Variants in MYT1L observed in about 807,000 individuals in gnomAD.
The protein encoded by MYT1L is myelin transcription factor 1-like protein.
Under a neutral mutation model 126.7 loss-of-function variants are expected in MYT1L, and 12 were observed. The observed-to-expected ratio is 0.09, with a 90% CI of 0.06 to 0.15. The LOEUF (loss-of-function observed/expected upper bound fraction) is 0.15, where lower values mean the gene tolerates loss of function less well. Among genes scored for constraint, MYT1L ranks in the 10% least tolerant of loss-of-function variants. The pLI, the probability that MYT1L is intolerant of heterozygous loss-of-function variation, is 1.00. For missense variants in MYT1L, 979 were observed against 1,585.2 expected (o/e 0.62, Z 6.49); for synonymous variants, 541 against 604.2 (o/e 0.90, Z 1.53).
intron 2 of MYT1L, among the ~76,000 whole-genome samples, chr2:2,209,924 C>A (rs1189548529): frequency 2.0e-5 from 3 of 152,182 alleles, no homozygotes; most frequent in African/African-American, 7.2e-5. Flanking sequence ...CAATAGTCTT[C>A]TGTTTCTCCA....
chr2:2,310,209 G>C (rs1465461198), intron 1 of MYT1L, among the ~76,000 whole-genome samples: 5 of 145,742 alleles, frequency 3.4e-5, no homozygotes, highest in African/African-American at 1.3e-4. Flanking sequence ...TTGGTATACT[G>C]TACCCATACT....
chr2:1,975,267 T>A (rs980711117), intron 8 of MYT1L, among the ~76,000 whole-genome samples: 6 of 152,140 alleles, frequency 3.9e-5, no homozygotes, highest in Non-Finnish European at 8.8e-5. Flanking sequence ...CACTGCCAGA[T>A]CCCACAGCTT....
chr2:2,039,640 A>G (rs78527687), intron 4 of MYT1L, among the ~76,000 whole-genome samples: 232 of 152,362 alleles, frequency 1.5e-3, no homozygotes, highest in African/African-American at 5.1e-3. Flanking sequence ...TCCACCCATC[A>G]ACAAAATCAA....
At chr2:2,034,364 C>A (rs1393897613) in intron 4 of MYT1L, among the ~76,000 whole-genome samples, 2 of 100,302 alleles carry the variant, frequency 2.0e-5, no homozygotes, top group Non-Finnish European at 4.0e-5. Context: ...CCCTCCAATG[C>A]GGGTGCAGAA....
rs767792208 is a variant in MYT1L at position 1,811,756 on chromosome 2, C to T, written c.3081-2589G>A. The stretch of plus-strand genomic sequence containing the variant: ...GGGCGTGAACGAACCCCTCGCGTTC[C>T]GGAGGGAACAGGCTCCTCTTCAGTC... On this transcript the variant is annotated intron_variant, in intron 21 of 24. Transcript: ENST00000647738. This position sits in a 1 kb window ranked among gnomAD's most constrained non-coding sequence, Gnocchi z 4.4. 7.9e-5 allele frequency among the ~76,000 whole-genome samples: 12 copies of T among 152,102 alleles called. No homozygotes were observed. Among genetic ancestry groups the T allele is most frequent in the African/African-American group, 1.2e-4 (5 of 41,408 alleles).
chr2:1,881,758 G>A lies in MYT1L; in HGVS notation c.2711+4781C>T, dbSNP rs1237091477. 2.6e-5 allele frequency among the ~76,000 whole-genome samples: 4 copies of A among 152,006 alleles called. No individual in the cohort carries two copies. The East Asian group carries it at 7.8e-4, about 30-fold the overall frequency. ...TGCGGGTCACAGGGAAACTGCACAA[G>A]GCCAAGTGTGGAAATAAAAATAAAT... On this transcript the variant is annotated intron_variant, in intron 18 of 24. Coordinates refer to ENST00000647738, the MANE Select transcript of MYT1L (RefSeq NM_001303052.2).
At chr2:2,107,781 G>A (rs770716541) in intron 3 of MYT1L, among the ~76,000 whole-genome samples, 3 of 152,246 alleles carry the variant, frequency 2.0e-5, no homozygotes, top group Non-Finnish European at 4.4e-5. Context: ...GTTGAGCCGC[G>A]AATGAGAGAG....
chr2:2,199,919 T>C (rs2092986487), intron 2 of MYT1L, among the ~76,000 whole-genome samples: 1 of 151,940 alleles, frequency 6.6e-6, no homozygotes, highest in African/African-American at 2.4e-5. Context: ...CAGCTCAGAG[T>C]GCTCCAACAT....
chr2:2,183,936 AAAGG>A lies in MYT1L; in HGVS notation c.-420-10952_-420-10949del, dbSNP rs1395189209. On this transcript the variant is annotated intron_variant, in intron 2 of 24. Coordinates refer to ENST00000647738, the MANE Select transcript of MYT1L (RefSeq NM_001303052.2). ...GGAAGGAGAGAGAGGAAGGAAGAAA[AAAGG>A]AAGGAAGGAAGAAAGGGAGGGAGGG... is the stretch of plus-strand genomic sequence containing the variant. Among the ~76,000 whole-genome samples, 11 of 149,666 alleles carry A rather than the reference AAAGG, an allele frequency of 7.3e-5. No homozygotes were observed. In the South Asian group the frequency reaches 8.8e-4, roughly 12 times the overall value.
intron 3 of MYT1L, among the ~76,000 whole-genome samples, chr2:2,171,616 T>TGTC (rs1553529483): frequency 4.6e-5 from 7 of 150,612 alleles, no homozygotes; most frequent in East Asian, 3.9e-4. Context: ...TTTTTCTTTT[T>TGTC]GTCGTCGTCG....
chr2:2,115,033 G>GGATCTCCC (rs2080012316), intron 3 of MYT1L, among the ~76,000 whole-genome samples: 1 of 152,178 alleles, frequency 6.6e-6, no homozygotes, highest in South Asian at 2.1e-4. Context: ...GCTTTACCCT[G>GGATCTCCC]GATCTCCCCT....
intron 20 of MYT1L, among the ~76,000 whole-genome samples, chr2:1,840,113 CTATT>C (rs1055414174): frequency 3.3e-5 from 5 of 152,216 alleles, no homozygotes; most frequent in Non-Finnish European, 5.9e-5. Context: ...TTTGCATTAC[CTATT>C]TATTTTGACA....
chr2:1,901,680 T>C (rs545370517), intron 14 of MYT1L, among the ~76,000 whole-genome samples: 2 of 152,340 alleles, frequency 1.3e-5, no homozygotes, highest in East Asian at 3.9e-4. Context: ...TCAGTTTAAA[T>C]ATTGTGTGTG....
intron 3 of MYT1L, among the ~76,000 whole-genome samples, chr2:2,078,218 G>C (rs532161522): frequency 6.6e-6 from 1 of 151,958 alleles, no homozygotes; most frequent in Non-Finnish European, 1.5e-5. Flanking sequence ...GGAACTAAAA[G>C]GTTATACCAG....
chr2:1,960,567 C>T (rs1366701586), intron 8 of MYT1L, among the ~76,000 whole-genome samples: 2 of 152,232 alleles, frequency 1.3e-5, no homozygotes, highest in Non-Finnish European at 2.9e-5. Context: ...ATTCTGTTTG[C>T]CATCCCAGAC....
At chr2:2,231,936 G>A (rs1213959824) in intron 2 of MYT1L, among the ~76,000 whole-genome samples, 1 of 152,162 alleles carries the variant, frequency 6.6e-6, no homozygotes, top group African/African-American at 2.4e-5. Flanking sequence ...ACAAGCAACG[G>A]ATTATTGTGG....
At chr2:1,950,040 G>C (rs979862909) in intron 8 of MYT1L, among the ~76,000 whole-genome samples, 1 of 151,898 alleles carries the variant, frequency 6.6e-6, no homozygotes, top group Non-Finnish European at 1.5e-5. Flanking sequence ...CTGTGTGCTT[G>C]GCACTTTCTA....
intron 2 of MYT1L, among the ~76,000 whole-genome samples, chr2:2,213,938 A>G (rs114980152): frequency 0.012 from 1,770 of 152,286 alleles, 17 homozygotes; most frequent in Non-Finnish European, 0.016. Context: ...CAATACAAAT[A>G]ATTATTATAA....
intron 2 of MYT1L, among the ~76,000 whole-genome samples, chr2:2,257,629 T>C (rs1294533681): frequency 6.6e-6 from 1 of 152,176 alleles, no homozygotes; most frequent in Non-Finnish European, 1.5e-5. Context: ...TCACTAACTT[T>C]TTAAAAATGG....
Sources: gnomAD v4.1 joint callset for allele counts (sites outside exome capture counted in the v4.1 genomes callset) on GRCh38, gnomAD v4.1.1 for gene constraint, Gnocchi (gnomAD v3.1) non-coding constraint, MANE v1.5 for transcripts, NCBI Gene and HGNC (gene_info 2026-07-23, HGNC 2026-07-21) for gene names.